Variants in PRLR observed in about 807,000 individuals in gnomAD.
PRLR encodes the protein prolactin receptor.
A neutral mutation model predicts 40.2 loss-of-function variants in PRLR; 13 were observed. The ratio of observed to expected loss-of-function variants is 0.32; its 90% CI spans 0.21 to 0.51. PRLR has a LOEUF of 0.51. PRLR is among the 20% of genes least tolerant of loss of function. PRLR has a pLI of 0.97. For missense variants in PRLR, 656 were observed against 747.3 expected (o/e 0.88, Z 1.42); for synonymous variants, 269 against 278.7 (o/e 0.97, Z 0.35).
Position 35,086,239 on chromosome 5 carries a change from T to A in PRLR, c.172A>T (p.Thr58Ser), listed in dbSNP as rs776183479. 13 of 1,613,836 alleles carry A rather than the reference T, an allele frequency of 8.1e-6. No homozygotes were observed. In the Admixed American group the frequency reaches 2.0e-4, roughly 25 times the overall value. The change falls in exon 4 of 10, where the codon ACC (threonine) becomes TCC (serine). Residue 58 changes from threonine (T) to serine (S), a missense_variant. Around this residue, in one of 3 missense-constraint regions of PRLR, gnomAD observed 180 missense variants for 236.8 expected, o/e 0.76. Transcript: ENST00000618457. Reference sequence around the variant, plus strand: ...CTGTGGTAAGTCAGTGAATAATTGGTAGGAAGTCCTCCATCTGTCCCAGGC... The same window carrying A: ...CTGTGGTAAGTCAGTGAATAATTGGAAGGAAGTCCTCCATCTGTCCCAGGC... ...WRPGTDGGLP[T>S]NYSLTYHREG... is the part of the protein sequence containing the mutation.
Position 35,070,184 on chromosome 5 carries a change from T to C in PRLR, c.625A>G (p.Lys209Glu). The C allele has an allele frequency of 6.2e-7, 1 of 1,614,198 alleles. No homozygotes were observed. Among genetic ancestry groups the C allele is most frequent in the Non-Finnish European group, 8.5e-7 (1 of 1,180,030 alleles). ...GQKYLVQVRCKPDHGYWSAWS... is the reference protein window; with the variant it reads ...GQKYLVQVRCEPDHGYWSAWS... Reference sequence around the variant, plus strand: ...GCACTCCAGTATCCATGGTCTGGTTTGCAGCGAACCTGGACAAGGTATTTC... The same window carrying C: ...GCACTCCAGTATCCATGGTCTGGTTCGCAGCGAACCTGGACAAGGTATTTC... Residue 209 changes from lysine (K) to glutamate (E), a missense_variant, in exon 7 of 10, where the codon AAA (lysine) becomes GAA (glutamate). Coordinates refer to ENST00000618457, the MANE Select transcript of PRLR (RefSeq NM_000949.7).
chr5:35,158,705 C>T (rs895254384), intron 1 of PRLR, among the ~76,000 whole-genome samples: 1 of 152,178 alleles, frequency 6.6e-6, no homozygotes. Flanking sequence ...AGGACGGTGG[C>T]TTCTTTTTAT....
chr5:35,065,528 C>T lies in PRLR; in HGVS notation c.1430G>A (p.Arg477Lys). 1 of 1,614,126 alleles carries T rather than the reference C, an allele frequency of 6.2e-7. No individual in the cohort carries two copies. The highest frequency in any genetic ancestry group is 1.1e-5 in the South Asian group (1 of 91,074). Residue 477 changes from arginine to lysine, a missense_variant, in exon 10 of 10, where the codon AGG (arginine) becomes AAG (lysine). Physicochemically the swap from Arg to Lys is conservative, Grantham distance 26. Coordinates refer to ENST00000618457, the MANE Select transcript of PRLR (RefSeq NM_000949.7). ...CTCAGAATGGAAGCTTTCTACCTCC[C>T]TCTGCTGGGTTGCCTTTCCCTCTTC... ...SREEGKATQQ[R>K]EVESFHSETD... is the part of the protein sequence containing the mutation.
chr5:35,086,132 C>T, intron 4 of PRLR, 76 bp downstream of exon 4: 3 of 1,562,240 alleles, frequency 1.9e-6, no homozygotes, highest in Non-Finnish European at 2.6e-6. Context: ...TGCTGTCACT[C>T]AGAACCAGTG....
chr5:35,190,509 G>T (rs770645225), intron 1 of PRLR, among the ~76,000 whole-genome samples: 18 of 152,208 alleles, frequency 1.2e-4, no homozygotes, highest in Non-Finnish European at 2.1e-4. Context: ...GAAGTCTGAG[G>T]CAGGAGAATC....
chr5:35,099,443 T>C (rs1222233744), intron 2 of PRLR, among the ~76,000 whole-genome samples: 4 of 152,246 alleles, frequency 2.6e-5, no homozygotes, highest in Admixed American at 6.5e-5. Context: ...CATACAATTA[T>C]GTGCAGTATA....
intron 5 of PRLR, among the ~76,000 whole-genome samples, chr5:35,077,730 C>A (rs1770213230): frequency 6.6e-6 from 1 of 152,188 alleles, no homozygotes; most frequent in Admixed American, 6.5e-5. Flanking sequence ...GAACTCTCCA[C>A]CCTAAATCAA....
chr5:35,214,195 T>C (rs1189356188), intron 1 of PRLR, among the ~76,000 whole-genome samples: 2 of 152,206 alleles, frequency 1.3e-5, no homozygotes, highest in East Asian at 3.8e-4. Context: ...ATGGAGAAAG[T>C]ATATTCTGCT....
intron 1 of PRLR, among the ~76,000 whole-genome samples, chr5:35,170,361 C>T (rs192089708): frequency 3.2e-3 from 489 of 152,272 alleles, no homozygotes; most frequent in Admixed American, 5.2e-3. Flanking sequence ...GAGCAGAGGA[C>T]ACTTCTTCCT....
In PRLR at chr5:35,064,413, C is replaced by A. The variant is rs1057828; in HGVS notation, c.*676G>T. 14,850 of 152,302 alleles carry A rather than the reference C, an allele frequency of 0.098. 1,235 individuals are homozygous for A. The highest frequency in any genetic ancestry group is 0.22 in the African/African-American group (9,212 of 41,466). The allele number at this position is 152,302 out of a possible 1,614,324, so 9.4% of individuals were successfully genotyped here. On this transcript the variant is annotated 3_prime_UTR_variant, in exon 10 of 10. Coordinates refer to ENST00000618457, the MANE Select transcript of PRLR (RefSeq NM_000949.7). ...AATTCATTTGCCCCTTGTGTAAGAA[C>A]ATTTTTATTTCCAAACTATATTTTA...
intron 5 of PRLR, 44 bp from the exon 6 acceptor site, chr5:35,072,788 C>A (rs200430244): frequency 1.9e-6 from 3 of 1,592,290 alleles, no homozygotes; most frequent in Non-Finnish European, 2.6e-6. Context: ...TTGCTTGCAC[C>A]TTTTCTTTGG....
intron 5 of PRLR, among the ~76,000 whole-genome samples, chr5:35,079,021 A>G (rs1770317250): frequency 6.6e-6 from 1 of 152,244 alleles, no homozygotes; most frequent in African/African-American, 2.4e-5. Flanking sequence ...TTCATGCTAA[A>G]AACTCTCAAT....
intron 3 of PRLR, among the ~76,000 whole-genome samples, chr5:35,088,725 T>G (rs933805718): frequency 3.3e-5 from 5 of 152,054 alleles, no homozygotes; most frequent in Non-Finnish European, 7.4e-5. Context: ...TATACAGGTA[T>G]GTAGATGCCC....
chr5:35,095,329 C>T (rs922486007), intron 2 of PRLR, among the ~76,000 whole-genome samples: 1 of 152,176 alleles, frequency 6.6e-6, no homozygotes, highest in East Asian at 1.9e-4. Context: ...GTGAAGAAAA[C>T]AGAAAAAGAT....
intron 1 of PRLR, among the ~76,000 whole-genome samples, chr5:35,184,114 T>C (rs1201223160): frequency 6.6e-6 from 1 of 152,220 alleles, no homozygotes; most frequent in African/African-American, 2.4e-5. Context: ...TTCCTGATAA[T>C]TGGAATAACT....
chr5:35,202,651 G>T (rs1271293264), intron 1 of PRLR, among the ~76,000 whole-genome samples: 1 of 152,100 alleles, frequency 6.6e-6, no homozygotes, highest in Non-Finnish European at 1.5e-5. Flanking sequence ...CATAGTGGGT[G>T]AGCAACAGCT....
intron 2 of PRLR, among the ~76,000 whole-genome samples, chr5:35,106,854 C>T (rs1433748930): frequency 1.3e-5 from 2 of 152,188 alleles, no homozygotes; most frequent in Non-Finnish European, 2.9e-5. Flanking sequence ...AGAACTTGAA[C>T]TCAGCTCTGC....
At chr5:35,067,484 C>T (rs1769452392) in intron 9 of PRLR, among the ~76,000 whole-genome samples, 1 of 152,164 alleles carries the variant, frequency 6.6e-6, no homozygotes, top group Non-Finnish European at 1.5e-5. Flanking sequence ...TGAACACAGA[C>T]AAGCCAGATT....
chr5:35,201,882 G>T (rs1775892040), intron 1 of PRLR, among the ~76,000 whole-genome samples: 1 of 152,134 alleles, frequency 6.6e-6, no homozygotes, highest in Admixed American at 6.5e-5. Flanking sequence ...TGTTATCATG[G>T]ATATTAATTT....
Sources: gnomAD v4.1 joint callset for allele counts (sites outside exome capture counted in the v4.1 genomes callset) on GRCh38, gnomAD v4.1.1 for gene constraint, gnomAD v4.1.1 regional missense constraint, MANE v1.5 for transcripts, NCBI Gene and HGNC (gene_info 2026-07-23, HGNC 2026-07-21) for gene names.